The following CELF4 variants were observed in gnomAD, a reference collection of about 807,000 sequenced individuals.
CELF4 encodes the protein CUGBP Elav-like family member 4.
In CELF4, 18 loss-of-function variants were observed where a neutral mutation model predicts 59.9. The ratio of observed to expected loss-of-function variants is 0.30; its 90% CI spans 0.21 to 0.45. CELF4 has a LOEUF of 0.45. Ranked by LOEUF, CELF4 falls within the 20% of genes least tolerant of loss-of-function variation. CELF4 has a pLI of 1.00. For missense variants in CELF4, 456 were observed against 689.0 expected, an observed-to-expected ratio of 0.66 and a Z score of 3.79; for synonymous variants, 261 against 267.1, an observed-to-expected ratio of 0.98 and a Z score of 0.22.
chr18:37,333,492 C>T (rs927682368), intron 2 of CELF4, among the ~76,000 whole-genome samples: 9 of 152,262 alleles, frequency 5.9e-5, no homozygotes, highest in South Asian at 2.1e-4. Context: ...CTTTCCACTC[C>T]GGAATACCCA....
chr18:37,376,925 T>C (rs1239131730), intron 2 of CELF4, among the ~76,000 whole-genome samples: 1 of 150,220 alleles, frequency 6.7e-6, no homozygotes, highest in African/African-American at 2.5e-5. Flanking sequence ...CCTGGGTTAA[T>C]AATGAGTCTG....
chr18:37,431,512 C>T (rs550543410), intron 2 of CELF4, among the ~76,000 whole-genome samples: 13 of 151,956 alleles, frequency 8.6e-5, no homozygotes, highest in East Asian at 1.9e-4. Context: ...GGACTACAGG[C>T]GCCCGCCACC....
Position 37,565,474 on chromosome 18 carries a change from C to T in CELF4, c.168G>A (p.Leu56=), listed in dbSNP as rs776468828. The change falls in exon 1 of 13, where the codon CTG becomes CTA. Residue 56 remains leucine, a synonymous_variant. Coordinates refer to ENST00000420428, the MANE Select transcript of CELF4 (RefSeq NM_020180.4). Reference sequence around the variant, plus strand: ...GGTTGCGGGGGATCTGCCCAATGAACAGCTTGATGGCATCGTGGTCCTTCA... The same window carrying T: ...GGTTGCGGGGGATCTGCCCAATGAATAGCTTGATGGCATCGTGGTCCTTCA... ...IPMKDHDAIK[L]FIGQIPRNLD... The T allele has an allele frequency of 2.4e-5, 39 of 1,613,984 alleles. No homozygotes were observed. Among genetic ancestry groups the T allele is most frequent in the South Asian group, 9.9e-5 (9 of 91,074 alleles).
At position 37,370,215 on chromosome 18, in the gene CELF4, G is replaced by A. The variant is rs529519581; in HGVS notation, c.370-48334C>T. ...TTAGTGTCCTTTTATGCCTCCTGAG[G>A]GACTAGTTGTCCTGCTTTCCCGAGC... On this transcript the variant is annotated intron_variant, in intron 2 of 12. Transcript: ENST00000420428. Among the ~76,000 whole-genome samples, 351 of 152,226 alleles carry A rather than the reference G, an allele frequency of 2.3e-3. 1 individual carries two copies. Among genetic ancestry groups the A allele is most frequent in the African/African-American group, 7.5e-3 (312 of 41,540 alleles).
chr18:37,537,114 C>G (rs1178654999), intron 1 of CELF4, among the ~76,000 whole-genome samples: 1 of 152,214 alleles, frequency 6.6e-6, no homozygotes, highest in Non-Finnish European at 1.5e-5. Flanking sequence ...CCTCTTTGTC[C>G]CTGGCATTTG....
At chr18:37,543,086 T>C (rs1351357472) in intron 1 of CELF4, among the ~76,000 whole-genome samples, 1 of 152,124 alleles carries the variant, frequency 6.6e-6, no homozygotes, top group Non-Finnish European at 1.5e-5. Flanking sequence ...AATCTTCCCA[T>C]GCCTTCCCAT....
Position 37,275,173 on chromosome 18 carries a change from C to T in CELF4, c.519G>A (p.Glu173=). The change falls in exon 4 of 13, where the codon GAG becomes GAA. Residue 173 remains glutamate, a synonymous_variant. Transcript: ENST00000420428. ...QSEDDVRRLF[E]AFGNIEECTI... Reference sequence around the variant, plus strand: ...TGCACTCCTCGATGTTCCCAAAGGCCTCGAAAAGGCGGCGCACGTCGTCCT... The same window carrying T: ...TGCACTCCTCGATGTTCCCAAAGGCTTCGAAAAGGCGGCGCACGTCGTCCT... 1 of 1,613,696 alleles carries T rather than the reference C, an allele frequency of 6.2e-7. No homozygotes were observed. Among genetic ancestry groups the T allele is most frequent in the East Asian group, 2.2e-5 (1 of 44,860 alleles).
intron 3 of CELF4, among the ~76,000 whole-genome samples, chr18:37,312,490 T>C (rs2096712136): frequency 6.6e-6 from 1 of 152,112 alleles, no homozygotes; most frequent in Admixed American, 6.5e-5. Context: ...CCAATAAACC[T>C]GGGATTCAAG....
chr18:37,380,723 T>C (rs2099027937), intron 2 of CELF4, among the ~76,000 whole-genome samples: 1 of 150,192 alleles, frequency 6.7e-6, no homozygotes, highest in Admixed American at 6.6e-5. Flanking sequence ...CATTCCTCTA[T>C]CCATTTATCC....
chr18:37,389,798 C>A (rs1015709475), intron 2 of CELF4, among the ~76,000 whole-genome samples: 1 of 152,180 alleles, frequency 6.6e-6, no homozygotes, highest in Non-Finnish European at 1.5e-5. Flanking sequence ...AAATGCTGCC[C>A]CCACCCACAC....
chr18:37,358,934 T>A (rs1257180110), intron 2 of CELF4, among the ~76,000 whole-genome samples: 3 of 152,108 alleles, frequency 2.0e-5, no homozygotes, highest in African/African-American at 7.2e-5. Context: ...AAACCCCATC[T>A]CTACTAAAAA....
chr18:37,344,756 A>G lies in CELF4; in HGVS notation c.370-22875T>C, dbSNP rs536775040. ...GGCATGCAGACGCTCGTGAACCTGAAGACAGAAGCTGTCACCATTCCTGTT... is the reference window on the plus strand; with the variant it reads ...GGCATGCAGACGCTCGTGAACCTGAGGACAGAAGCTGTCACCATTCCTGTT... On this transcript the variant is annotated intron_variant, in intron 2 of 12. Coordinates refer to ENST00000420428, the MANE Select transcript of CELF4 (RefSeq NM_020180.4). Among the ~76,000 whole-genome samples the G allele has an allele frequency of 2.0e-5, 3 of 152,344 alleles. No individual in the cohort carries two copies. The South Asian group carries it at 6.2e-4, about 32-fold the overall frequency.
At chr18:37,317,205 G>A (rs2096896527) in intron 3 of CELF4, among the ~76,000 whole-genome samples, 1 of 152,150 alleles carries the variant, frequency 6.6e-6, no homozygotes, top group African/African-American at 2.4e-5. Flanking sequence ...TGGCCAACAT[G>A]GTAAAACCCC....
chr18:37,443,679 G>C (rs574248172), intron 2 of CELF4, among the ~76,000 whole-genome samples: 9 of 152,204 alleles, frequency 5.9e-5, no homozygotes, highest in South Asian at 2.1e-4. Context: ...GGTATGAAAG[G>C]GTGGGGAGCA....
intron 2 of CELF4, among the ~76,000 whole-genome samples, chr18:37,350,493 A>G (rs2098417012): frequency 6.6e-6 from 1 of 152,018 alleles, no homozygotes; most frequent in Non-Finnish European, 1.5e-5. Flanking sequence ...ACCAGTTTCT[A>G]AAGGATTATG....
intron 2 of CELF4, among the ~76,000 whole-genome samples, chr18:37,334,056 C>T (rs1327814051): frequency 6.6e-6 from 1 of 152,156 alleles, no homozygotes; most frequent in Non-Finnish European, 1.5e-5. Context: ...CCTGAAAGTG[C>T]GTTCTTTACC....
intron 2 of CELF4, among the ~76,000 whole-genome samples, chr18:37,366,866 C>A (rs1279195398): frequency 6.6e-6 from 1 of 152,202 alleles, no homozygotes; most frequent in East Asian, 1.9e-4. Context: ...ATCCCACCCT[C>A]TTCACTTCTC....
intron 11 of CELF4, among the ~76,000 whole-genome samples, chr18:37,257,719 C>A (rs757286826): frequency 6.6e-6 from 1 of 152,174 alleles, no homozygotes; most frequent in Non-Finnish European, 1.5e-5. Flanking sequence ...ACCTCCTACT[C>A]TCTCCTCCCA....
intron 2 of CELF4, among the ~76,000 whole-genome samples, chr18:37,423,440 G>A (rs2099592802): frequency 6.6e-6 from 1 of 152,114 alleles, no homozygotes; most frequent in Non-Finnish European, 1.5e-5. Context: ...GGGGTCAAAG[G>A]TGGGCTTAGG....
Sources: gnomAD v4.1 joint callset for allele counts (sites outside exome capture counted in the v4.1 genomes callset) on GRCh38, gnomAD v4.1.1 for gene constraint, MANE v1.5 for transcripts, NCBI Gene and HGNC (gene_info 2026-07-23, HGNC 2026-07-21) for gene names.